Variants in MAOB observed in about 807,000 individuals in gnomAD.
MAOB encodes amine oxidase [flavin-containing] B.
Under a neutral mutation model 41.9 loss-of-function variants are expected in MAOB, and 15 were observed. That is an observed-to-expected ratio of 0.36 (90% CI 0.24 to 0.55). The LOEUF is 0.55. Among genes scored for constraint, MAOB ranks in the 20% least tolerant of loss-of-function variants. The probability of loss-of-function intolerance (pLI) is 0.86; values close to 1 mark genes in which losing one functional copy is unlikely to be tolerated. For synonymous variants in MAOB, 167 were observed against 144.2 expected, an observed-to-expected ratio of 1.16 and a Z score of -1.13; for missense variants, 345 against 398.7, an observed-to-expected ratio of 0.87 and a Z score of 1.15.
intron 8 of MAOB, among the ~76,000 whole-genome samples, chrX:43,788,849 G>A (rs2034431111): frequency 9.0e-6 from 1 of 110,889 alleles, no homozygotes; most frequent in Admixed American, 9.6e-5. Flanking sequence ...TATTTAACAT[G>A]TATTTCCAGT....
chrX:43,798,015 A>C (rs776242822), intron 5 of MAOB, among the ~76,000 whole-genome samples: 130 of 111,793 alleles, frequency 1.2e-3, no homozygotes, highest in Non-Finnish European at 2.1e-3. Flanking sequence ...TTTTACTCTA[A>C]TGTTTCCTTA....
chrX:43,835,941 A>G (rs1213465203), intron 3 of MAOB, among the ~76,000 whole-genome samples: 2 of 112,062 alleles, frequency 1.8e-5, no homozygotes, highest in African/African-American at 6.5e-5. Flanking sequence ...CACATAAAAA[A>G]TTTTAAAAGC....
At chrX:43,829,882 C>T (rs1443075261) in intron 3 of MAOB, among the ~76,000 whole-genome samples, 2 of 111,938 alleles carry the variant, frequency 1.8e-5, no homozygotes, top group Non-Finnish European at 3.8e-5. Flanking sequence ...CTATCCAATA[C>T]AGTAGCCACT....
chrX:43,851,006 A>T (rs1333724002), intron 1 of MAOB, among the ~76,000 whole-genome samples: 1 of 112,189 alleles, frequency 8.9e-6, no homozygotes, highest in Non-Finnish European at 1.9e-5. Flanking sequence ...CTTGTTTAAT[A>T]ACCAAGCTTT....
intron 1 of MAOB, among the ~76,000 whole-genome samples, chrX:43,859,379 T>C (rs1012364557): frequency 8.0e-5 from 9 of 112,112 alleles, no homozygotes; most frequent in African/African-American, 2.6e-4. Flanking sequence ...GATGCCTTCC[T>C]ACAATTAAAT....
chrX:43,808,174 T>C (rs1569218320), intron 3 of MAOB, among the ~76,000 whole-genome samples: 1 of 111,767 alleles, frequency 8.9e-6, no homozygotes, highest in East Asian at 2.8e-4. Context: ...TGTGGCATTG[T>C]GCCCACGAGT....
intron 3 of MAOB, among the ~76,000 whole-genome samples, chrX:43,822,385 G>A (rs745340558): frequency 8.9e-6 from 1 of 112,253 alleles, no homozygotes; most frequent in African/African-American, 3.2e-5. Context: ...AATCCCTAGT[G>A]TAGAAATTGT....
intron 1 of MAOB, chrX:43,850,523 G>A (rs2035243080): frequency 1.4e-6 from 1 of 730,467 alleles, no homozygotes; most frequent in South Asian, 7.0e-5. Flanking sequence ...CACAATTTTG[G>A]GGAAAATCTA....
At position 43,843,783 on chromosome X, in the gene MAOB, A is replaced by G. The variant is rs2035168924; in HGVS notation, c.47-19T>C. 1.1e-5 allele frequency: 13 copies of G among 1,206,249 alleles called. No homozygotes were observed. Among genetic ancestry groups the G allele is most frequent in the South Asian group, 1.8e-5 (1 of 55,727 alleles). On this transcript the variant is annotated intron_variant, in intron 1 of 14. Transcript: ENST00000378069. ...GCCATACCTGGGAGAAAAGACAGTA[A>G]GACATCAGGATCAAATACAAGGATG...
chrX:43,774,995 A>G (rs751960666), intron 12 of MAOB, among the ~76,000 whole-genome samples, 180 bp downstream of exon 12: 2 of 110,045 alleles, frequency 1.8e-5, no homozygotes, highest in Non-Finnish European at 3.8e-5. Context: ...ATGTATAATT[A>G]TAATGATTTC....
chrX:43,882,127 GC>G, intron 1 of MAOB, 126 bp downstream of exon 1: 1 of 1,086,690 alleles, frequency 9.2e-7, no homozygotes, highest in Non-Finnish European at 1.2e-6. Flanking sequence ...CTAGAGCCCT[GC>G]CCGTGCGTGG....
At chrX:43,771,230 C>T (rs1439349342) in intron 12 of MAOB, among the ~76,000 whole-genome samples, 1 of 112,093 alleles carries the variant, frequency 8.9e-6, no homozygotes, top group East Asian at 2.8e-4. Flanking sequence ...ACTTCAAGTA[C>T]CCATACAACC....
intron 1 of MAOB, among the ~76,000 whole-genome samples, chrX:43,867,611 A>G (rs2035373884): frequency 8.9e-6 from 1 of 112,157 alleles, no homozygotes; most frequent in Admixed American, 9.4e-5. Flanking sequence ...ATACAAACCA[A>G]TATACTGTAC....
chrX:43,852,604 G>A (rs1228677288), intron 1 of MAOB, among the ~76,000 whole-genome samples: 1 of 111,734 alleles, frequency 8.9e-6, no homozygotes, highest in Non-Finnish European at 1.9e-5. Context: ...AGAGAATTCT[G>A]GAAAAAAGTT....
chrX:43,844,976 C>T (rs2035184261), intron 1 of MAOB, among the ~76,000 whole-genome samples: 1 of 112,130 alleles, frequency 8.9e-6, no homozygotes, highest in South Asian at 3.8e-4. Flanking sequence ...ATGTATCCTA[C>T]TGGTTCTGTC....
intron 7 of MAOB, among the ~76,000 whole-genome samples, chrX:43,795,187 C>T (rs912151519): frequency 5.4e-5 from 6 of 111,771 alleles, no homozygotes; most frequent in African/African-American, 2.0e-4. Context: ...GACCAATCTG[C>T]TTCCAGTTGA....
chrX:43,779,219 G>A (rs2034298892), intron 10 of MAOB, among the ~76,000 whole-genome samples: 1 of 111,706 alleles, frequency 9.0e-6, no homozygotes, highest in South Asian at 3.7e-4. Context: ...AAATATATAA[G>A]GAAATTTAGA....
intron 8 of MAOB, among the ~76,000 whole-genome samples, chrX:43,784,527 C>G (rs1171700779): frequency 3.6e-5 from 4 of 112,201 alleles, no homozygotes; most frequent in African/African-American, 1.3e-4. Context: ...TTTTTCTTCT[C>G]AGCAGTAGGT....
intron 3 of MAOB, among the ~76,000 whole-genome samples, chrX:43,823,903 A>G (rs753227418): frequency 8.9e-6 from 1 of 112,067 alleles, no homozygotes; most frequent in Non-Finnish European, 1.9e-5. Flanking sequence ...TATAGCTTCA[A>G]TTTTAAAATT....
Sources: gnomAD v4.1 joint callset for allele counts (sites outside exome capture counted in the v4.1 genomes callset) on GRCh38, gnomAD v4.1.1 for gene constraint, MANE v1.5 for transcripts, NCBI Gene and HGNC (gene_info 2026-07-23, HGNC 2026-07-21) for gene names.